The following EXT2 variants were observed in gnomAD, a reference collection of about 807,000 sequenced individuals.
The protein encoded by EXT2 is exostosin-2.
In EXT2, 53 loss-of-function variants were observed where a neutral mutation model predicts 81.6. That is an observed-to-expected ratio of 0.65 (90% CI 0.52 to 0.82). EXT2 has a LOEUF of 0.82. EXT2 is among the 40% of genes least tolerant of loss of function. EXT2 has a pLI of 0.00. For synonymous variants in EXT2, 320 were observed against 340.0 expected (o/e 0.94, Z 0.65); for missense variants, 774 against 910.2 (o/e 0.85, Z 1.93).
At position 44,242,622 on chromosome 11, in the gene EXT2, C is replaced by T. The variant is rs543762432; in HGVS notation, c.2019-1527C>T. 2.0e-5 allele frequency among the ~76,000 whole-genome samples: 3 copies of T among 152,180 alleles called. No homozygotes were observed. The South Asian group carries it at 6.2e-4, about 32-fold the overall frequency. The stretch of plus-strand genomic sequence containing the variant: ...TAACCCATAACATGAGGCTACTATA[C>T]ACCCAATAGTTGGGCAAGGGGGGTG... On this transcript the variant is annotated intron_variant, in intron 13 of 13. Coordinates refer to ENST00000533608, the MANE Select transcript of EXT2 (RefSeq NM_207122.2).
At chr11:44,141,028 A>G (rs1458393149) in intron 7 of EXT2, among the ~76,000 whole-genome samples, 1 of 152,164 alleles carries the variant, frequency 6.6e-6, no homozygotes, top group Non-Finnish European at 1.5e-5. Flanking sequence ...TTACTCGTGT[A>G]GCTGTTGTGG....
chr11:44,233,490 T>A (rs917756946), intron 11 of EXT2, among the ~76,000 whole-genome samples: 9 of 152,162 alleles, frequency 5.9e-5, no homozygotes, highest in Non-Finnish European at 5.9e-5. Context: ...GATTGGGGAA[T>A]ATGCATTTGA....
intron 7 of EXT2, among the ~76,000 whole-genome samples, chr11:44,160,983 T>G (rs913909268): frequency 6.6e-6 from 1 of 152,214 alleles, no homozygotes; most frequent in Non-Finnish European, 1.5e-5. Flanking sequence ...CTGATCTTCT[T>G]GGATTTGTTT....
intron 4 of EXT2, among the ~76,000 whole-genome samples, chr11:44,115,396 G>A (rs1415221228): frequency 6.6e-6 from 1 of 152,048 alleles, no homozygotes; most frequent in African/African-American, 2.4e-5. Context: ...GGCATTTCTT[G>A]GCTCATATTT....
chr11:44,114,067 T>C, intron 3 of EXT2, 118 bp from the exon 4 acceptor site: 1 of 914,830 alleles, frequency 1.1e-6, no homozygotes, highest in Non-Finnish European at 1.8e-6. Context: ...GAAAACTGAC[T>C]CTGTAAACGT....
chr11:44,126,467 G>A (rs553153795), intron 5 of EXT2, among the ~76,000 whole-genome samples: 1 of 152,296 alleles, frequency 6.6e-6, no homozygotes, highest in South Asian at 2.1e-4. Context: ...ACAGTGTGCC[G>A]TGGTGTGTTT....
intron 7 of EXT2, among the ~76,000 whole-genome samples, chr11:44,156,123 G>T (rs1954852419): frequency 6.6e-6 from 1 of 151,990 alleles, no homozygotes; most frequent in South Asian, 2.1e-4. Context: ...TATGTTATTT[G>T]TTTCTTTTCT....
chr11:44,172,311 C>T (rs1955087715), intron 8 of EXT2, among the ~76,000 whole-genome samples: 1 of 152,158 alleles, frequency 6.6e-6, no homozygotes. Flanking sequence ...GCTCTTGGGC[C>T]TTCCTCCTTG....
chr11:44,162,622 C>T (rs901646884), intron 7 of EXT2, among the ~76,000 whole-genome samples: 1 of 148,206 alleles, frequency 6.7e-6, no homozygotes, highest in African/African-American at 2.5e-5. Flanking sequence ...CATAGCAAAG[C>T]AATAGACAAA....
At chr11:44,237,902 T>TA (rs374084527) in intron 13 of EXT2, among the ~76,000 whole-genome samples, 7,239 of 56,162 alleles carry the variant, frequency 0.13, 738 homozygotes, top group Non-Finnish European at 0.16. Context: ...CGTCTCTACT[T>TA]AAAAAAAAAA....
chr11:44,129,937 AGGAGGTTTG>A, intron 6 of EXT2, 99 bp from the exon 7 acceptor site: 1 of 827,734 alleles, frequency 1.2e-6, no homozygotes, highest in Non-Finnish European at 2.1e-6. Flanking sequence ...GTGGGGCTGA[AGGAGGTTTG>A]GGATGTTGTT....
At chr11:44,240,845 G>A (rs906277862) in intron 13 of EXT2, among the ~76,000 whole-genome samples, 2 of 152,194 alleles carry the variant, frequency 1.3e-5, no homozygotes, top group African/African-American at 4.8e-5. Flanking sequence ...TGTTACAACT[G>A]TAGAATACAT....
chr11:44,202,978 C>G (rs1050750882), intron 9 of EXT2, among the ~76,000 whole-genome samples: 8 of 152,156 alleles, frequency 5.3e-5, no homozygotes, highest in Admixed American at 1.3e-4. Context: ...GAAATCTGAC[C>G]TAAGTTAGTG....
intron 8 of EXT2, among the ~76,000 whole-genome samples, chr11:44,187,846 G>A (rs1215901846): frequency 1.3e-5 from 2 of 152,074 alleles, no homozygotes; most frequent in Non-Finnish European, 2.9e-5. Flanking sequence ...TTTAAATGAG[G>A]AAATGGAGGT....
chr11:44,173,563 C>CTTTTTT (rs66702988), intron 8 of EXT2, among the ~76,000 whole-genome samples: 24 of 100,054 alleles, frequency 2.4e-4, no homozygotes, highest in African/African-American at 4.5e-4. Context: ...TTCTTTCTTT[C>CTTTTTT]TTTTTTTTTT....
chr11:44,137,337 C>T (rs1954585410), intron 7 of EXT2, among the ~76,000 whole-genome samples: 1 of 152,186 alleles, frequency 6.6e-6, no homozygotes, highest in African/African-American at 2.4e-5. Flanking sequence ...AGATCTAAAT[C>T]CTCACAGTCC....
intron 12 of EXT2, among the ~76,000 whole-genome samples, chr11:44,235,446 A>G (rs950218888): frequency 2.6e-5 from 4 of 151,502 alleles, no homozygotes; most frequent in Admixed American, 6.6e-5. Flanking sequence ...GCATTTCACC[A>G]TGTTGCCCAG....
intron 10 of EXT2, among the ~76,000 whole-genome samples, chr11:44,221,374 G>A (rs1001765515): frequency 1.3e-5 from 2 of 152,310 alleles, no homozygotes; most frequent in South Asian, 4.1e-4. Flanking sequence ...CATAATATGA[G>A]ATCGTTATTT....
In EXT2 at chr11:44,171,638, C is replaced by A; in HGVS notation, c.1201C>A (p.Gln401Lys). 1.2e-6 allele frequency: 2 copies of A among 1,614,066 alleles called. No homozygotes were observed. The highest frequency in any genetic ancestry group is 1.7e-6 in the Non-Finnish European group (2 of 1,180,010). ...QARWFWEAYF[Q>K]SIKAIALATL... ...CCGGTGGTTCTGGGAAGCGTACTTC[C>A]AGTCAATTAAAGCCATTGCCCTGGC... The change falls in exon 8 of 14, where the codon CAG becomes AAG. Residue 401 changes from glutamine to lysine, a missense_variant. Physicochemically the swap from Gln to Lys is moderately conservative, Grantham distance 53. Around this residue, in one of 2 missense-constraint regions of EXT2, gnomAD observed 626 missense variants for 670.5 expected, o/e 0.93. Transcript: ENST00000533608.
Sources: gnomAD v4.1 joint callset for allele counts (sites outside exome capture counted in the v4.1 genomes callset) on GRCh38, gnomAD v4.1.1 for gene constraint, gnomAD v4.1.1 regional missense constraint, MANE v1.5 for transcripts, NCBI Gene and HGNC (gene_info 2026-07-23, HGNC 2026-07-21) for gene names.